Variants in CUL9 observed in about 807,000 individuals in gnomAD.
CUL9 encodes cullin-9.
A neutral mutation model predicts 272.6 loss-of-function variants in CUL9; 79 were observed. The observed-to-expected ratio is 0.29, with a 90% CI of 0.24 to 0.35. The LOEUF (loss-of-function observed/expected upper bound fraction) is 0.35. Among genes scored for constraint, CUL9 ranks in the 10% least tolerant of loss-of-function variants. The pLI, the probability that CUL9 is intolerant of heterozygous loss-of-function variation, is 1.00. For synonymous variants in CUL9, 1,186 were observed against 1,286.5 expected (o/e 0.92, Z 1.67); for missense variants, 2,532 against 3,255.6 (o/e 0.78, Z 5.41).
rs756656660 is a variant in CUL9 at position 43,221,353 on chromosome 6, G to T, written c.6752+32G>T. ...AGGGGGGTACTGTGGGGAGCCAGAG[G>T]GCAAGGAGGGGGGAGGAGGCCTGGC... On this transcript the variant is annotated intron_variant, in intron 34 of 40. Transcript: ENST00000252050. This position sits in a 1 kb window ranked among gnomAD's most constrained non-coding sequence, Gnocchi z 4.2. 6.5e-7 allele frequency: 1 copy of T among 1,548,288 alleles called. No individual in the cohort carries two copies.
chr6:43,184,369 C>G lies in CUL9; in HGVS notation c.59C>G (p.Ala20Gly), dbSNP rs959460895. The G allele has an allele frequency of 6.9e-6, 11 of 1,602,836 alleles. No homozygotes were observed. Among genetic ancestry groups the G allele is most frequent in the Non-Finnish European group, 9.4e-6 (11 of 1,172,692 alleles). Residue 20 changes from alanine (A) to glycine (G), a missense_variant, in exon 2 of 41, where the codon GCA (alanine) becomes GGA (glycine). Physicochemically the swap from Ala to Gly is moderately conservative, Grantham distance 60. Transcript: ENST00000252050. The surrounding 1 kb of genome is among the most constrained non-coding windows in gnomAD (Gnocchi z 4.8). ...GTGCCCTTAGGGCCTCGGCTGCAGGCATATCCTGAAGAACTCATTCGACAG... is the reference window on the plus strand; with the variant it reads ...GTGCCCTTAGGGCCTCGGCTGCAGGGATATCCTGAAGAACTCATTCGACAG... The part of the protein sequence containing the change: ...LMVPLGPRLQ[A>G]YPEELIRQRP...
In CUL9 at chr6:43,213,546, G is replaced by A; in HGVS notation, c.5467G>A (p.Gly1823Ser). The A allele has an allele frequency of 6.2e-7, 1 of 1,612,158 alleles. No homozygotes were observed. Among genetic ancestry groups the A allele is most frequent in the Non-Finnish European group, 8.5e-7 (1 of 1,179,362 alleles). The change falls in exon 28 of 41, where the codon GGC becomes AGC. Residue 1823 changes from glycine to serine, a missense_variant. Physicochemically the swap from Gly to Ser is moderately conservative, Grantham distance 56. This residue lies in a region of CUL9 where 2,218 missense variants were observed against 2,788.6 expected (regional missense o/e 0.80). Coordinates refer to ENST00000252050, the MANE Select transcript of CUL9 (RefSeq NM_015089.4). This position sits in a 1 kb window ranked among gnomAD's most constrained non-coding sequence, Gnocchi z 5.7. ...SGNGPLTLHE[G>S]QDFPHGGVLR... ...GAATGGCCCTTTGACCCTGCATGAG[G>A]GCCAGGACTTTCCACACGGGGGTAG...
intron 17 of CUL9, 119 bp from the exon 18 acceptor site, chr6:43,202,990 T>C: frequency 8.0e-7 from 1 of 1,250,984 alleles, no homozygotes; most frequent in South Asian, 1.2e-5. Flanking sequence ...CGTCCATCCC[T>C]AGGCTCTGCG....
chr6:43,214,972 C>T (rs1775810804), intron 29 of CUL9, 107 bp from the exon 30 acceptor site: 1 of 1,343,032 alleles, frequency 7.4e-7, no homozygotes. Flanking sequence ...GCAAGACTGT[C>T]TCTTAAAAAA....
At chr6:43,194,085 CAG>C (rs1773775125) in intron 9 of CUL9, among the ~76,000 whole-genome samples, 1 of 152,160 alleles carries the variant, frequency 6.6e-6, no homozygotes, top group Admixed American at 6.5e-5. Context: ...TTACTCCAGA[CAG>C]AAGTGCTGGC....
chr6:43,194,297 T>C (rs570917733), intron 9 of CUL9, among the ~76,000 whole-genome samples: 103 of 151,988 alleles, frequency 6.8e-4, no homozygotes, highest in African/African-American at 2.4e-3. Flanking sequence ...TCTTTTCTCT[T>C]TTTTTTTCTT....
At chr6:43,222,203 A>G in intron 35 of CUL9, 113 bp from the exon 36 acceptor site, 4 of 798,490 alleles carry the variant, frequency 5.0e-6, no homozygotes, top group Non-Finnish European at 6.6e-6. Flanking sequence ...GGACTGAATG[A>G]AGATAATCGG....
chr6:43,200,882 C>G lies in CUL9; in HGVS notation c.3647+48C>G. On this transcript the variant is annotated intron_variant, in intron 16 of 40. Coordinates refer to ENST00000252050, the MANE Select transcript of CUL9 (RefSeq NM_015089.4). The surrounding 1 kb of genome is among the most constrained non-coding windows in gnomAD (Gnocchi z 4.0). Reference sequence around the variant, plus strand: ...GTTCTGCTGTGCCCCAGGATACTTCCCCAAAGCACCCAGATACACACAACC... The same window carrying G: ...GTTCTGCTGTGCCCCAGGATACTTCGCCAAAGCACCCAGATACACACAACC... The G allele has an allele frequency of 6.2e-7, 1 of 1,606,416 alleles. No individual in the cohort carries two copies. The highest frequency in any genetic ancestry group is 1.1e-5 in the South Asian group (1 of 90,774).
chr6:43,195,519 C>CA (rs1365630638), intron 9 of CUL9, among the ~76,000 whole-genome samples: 2 of 152,142 alleles, frequency 1.3e-5, no homozygotes, highest in Non-Finnish European at 2.9e-5. Flanking sequence ...CTGGTTGCCT[C>CA]AGTGTGGGTG....
At chr6:43,202,879 C>A in intron 17 of CUL9, 58 bp downstream of exon 17, 1 of 1,507,764 alleles carries the variant, frequency 6.6e-7, no homozygotes, top group Non-Finnish European at 9.2e-7. Flanking sequence ...TGTCCCAGTG[C>A]CTGTGGGAAG....
Position 43,215,161 on chromosome 6 carries a change from C to G in CUL9, c.5771C>G (p.Thr1924Arg). ...GCTGGGGGTGTGGCCTGTACCAGTACAGATGTCCTCTCTTGCATCCTGCAC... is the reference window on the plus strand; with the variant it reads ...GCTGGGGGTGTGGCCTGTACCAGTAGAGATGTCCTCTCTTGCATCCTGCAC... ...TVAGGVACTS[T>R]DVLSCILHLL... Residue 1924 changes from threonine to arginine, a missense_variant, in exon 30 of 41, where the codon ACA becomes AGA. Physicochemically the swap from Thr to Arg is moderately conservative, Grantham distance 71. This residue lies in a region of CUL9 where 2,218 missense variants were observed against 2,788.6 expected (regional missense o/e 0.80). Coordinates refer to ENST00000252050, the MANE Select transcript of CUL9 (RefSeq NM_015089.4). The G allele has an allele frequency of 1.2e-6, 2 of 1,614,212 alleles. No individual in the cohort carries two copies. The highest frequency in any genetic ancestry group is 1.7e-6 in the Non-Finnish European group (2 of 1,180,034).
chr6:43,188,472 C>A, intron 7 of CUL9, 51 bp from the exon 8 acceptor site: 1 of 1,513,464 alleles, frequency 6.6e-7, no homozygotes, highest in Non-Finnish European at 8.9e-7. Context: ...AGACTTCTAA[C>A]TTCAAGGTGC....
At position 43,186,343 on chromosome 6, in the gene CUL9, A is replaced by G. The variant is rs1772910058; in HGVS notation, c.1139A>G (p.Gln380Arg). Residue 380 changes from glutamine to arginine, a missense_variant, in exon 4 of 41, where the codon CAG becomes CGG. Gln to Arg is a conservative substitution (Grantham distance 43). Coordinates refer to ENST00000252050, the MANE Select transcript of CUL9 (RefSeq NM_015089.4). Reference sequence around the variant, plus strand: ...CGTAGTGGCTATGGAGAATATGTGCAGCAGACACTGCAGCCAGGGATGCGA... The same window carrying G: ...CGTAGTGGCTATGGAGAATATGTGCGGCAGACACTGCAGCCAGGGATGCGA... ...SSRSGYGEYVQQTLQPGMRVR... is the reference protein window; with the variant it reads ...SSRSGYGEYVRQTLQPGMRVR... The G allele has an allele frequency of 5.0e-6, 8 of 1,614,238 alleles. No homozygotes were observed. The highest frequency in any genetic ancestry group is 6.8e-6 in the Non-Finnish European group (8 of 1,180,024).
In CUL9 at chr6:43,186,924, C is replaced by G. The variant is rs535816685; in HGVS notation, c.1252-36C>G. ...GCCAAGGCTCAGAGGGTTGAGCCTT[C>G]TCTATTCTGCTCTCTTTCTTCCTCC... On this transcript the variant is annotated intron_variant, in intron 4 of 40. Transcript: ENST00000252050. 1.9e-6 allele frequency: 3 copies of G among 1,609,434 alleles called. No individual in the cohort carries two copies. The South Asian group carries it at 3.3e-5, about 18-fold the overall frequency.
rs530386443 is a variant in CUL9, at chr6:43,206,448, G to A, written c.5150G>A (p.Arg1717Lys). The A allele has an allele frequency of 2.5e-6, 4 of 1,614,188 alleles. No homozygotes were observed. The highest frequency in any genetic ancestry group is 3.4e-6 in the Non-Finnish European group (4 of 1,180,034). Residue 1717 changes from arginine (R) to lysine (K), a missense_variant, in exon 26 of 41, where the codon AGA becomes AAA. This residue lies in a region of CUL9 where 2,218 missense variants were observed against 2,788.6 expected (regional missense o/e 0.80). Coordinates refer to ENST00000252050, the MANE Select transcript of CUL9 (RefSeq NM_015089.4). This position sits in a 1 kb window ranked among gnomAD's most constrained non-coding sequence, Gnocchi z 4.8. ...CCACTCTGCTACCTGTACCATCCCAGAAAGTGCCTTCCCACAGAATTCTGT... is the reference window on the plus strand; with the variant it reads ...CCACTCTGCTACCTGTACCATCCCAAAAAGTGCCTTCCCACAGAATTCTGT... ...VSPLCYLYHP[R>K]KCLPTEFCDA...
Position 43,220,737 on chromosome 6 carries a change from G to T in CUL9, c.6424-10G>T, listed in dbSNP as rs769418232. 5 of 1,611,340 alleles carry T rather than the reference G, an allele frequency of 3.1e-6. No homozygotes were observed. The Admixed American group carries it at 5.0e-5, about 16-fold the overall frequency. On this transcript the variant is annotated splice_polypyrimidine_tract_variant and intron_variant, in intron 32 of 40. Coordinates refer to ENST00000252050, the MANE Select transcript of CUL9 (RefSeq NM_015089.4). This position sits in a 1 kb window ranked among gnomAD's most constrained non-coding sequence, Gnocchi z 4.9. ...CATACCCTCACCTCGTGGCACCTGCGTCTCCACAGTATGAGAAGGCGCTCC... is the reference window on the plus strand; with the variant it reads ...CATACCCTCACCTCGTGGCACCTGCTTCTCCACAGTATGAGAAGGCGCTCC...
Position 43,187,841 on chromosome 6 carries a change from C to T in CUL9, c.1710C>T (p.Thr570=), listed in dbSNP as rs759302328. The T allele has an allele frequency of 6.2e-7, 1 of 1,613,984 alleles. No individual in the cohort carries two copies. Residue 570 remains threonine (T), a synonymous_variant, in exon 7 of 41, where the codon ACC becomes ACT. Transcript: ENST00000252050. Reference sequence around the variant, plus strand: ...ACCTGCTCAACTCCCAGATCTACACCAAGTATGGGCTGCTGTCTAATGAAC... The same window carrying T: ...ACCTGCTCAACTCCCAGATCTACACTAAGTATGGGCTGCTGTCTAATGAAC... ...LNDLLNSQIY[T]KYGLLSNEPS...
At position 43,216,176 on chromosome 6, in the gene CUL9, C is replaced by G; in HGVS notation, c.5955C>G (p.Thr1985=). 1 of 1,604,742 alleles carries G rather than the reference C, an allele frequency of 6.2e-7. No individual in the cohort carries two copies. The highest frequency in any genetic ancestry group is 8.5e-7 in the Non-Finnish European group (1 of 1,172,298). ...CCACAAGCCCAGAAGCTGTGGCTACCCTGGCATCTCTACAGCTGCCTGCAG... is the reference window on the plus strand; with the variant it reads ...CCACAAGCCCAGAAGCTGTGGCTACGCTGGCATCTCTACAGCTGCCTGCAG... ...TSKPSPEAVA[T]LASLQLPAGR... is the part of the protein sequence containing the mutation. Residue 1985 remains threonine, a synonymous_variant, in exon 31 of 41, where the codon ACC becomes ACG. Transcript: ENST00000252050.
Position 43,221,337 on chromosome 6 carries a change from C to G in CUL9, c.6752+16C>G. The G allele has an allele frequency of 6.4e-7, 1 of 1,574,626 alleles. No homozygotes were observed. ...GGTGCCTGCAGTAAGAAGGGGGGTA[C>G]TGTGGGGAGCCAGAGGGCAAGGAGG... On this transcript the variant is annotated intron_variant, in intron 34 of 40. Coordinates refer to ENST00000252050, the MANE Select transcript of CUL9 (RefSeq NM_015089.4). The surrounding 1 kb of genome is among the most constrained non-coding windows in gnomAD (Gnocchi z 4.2).
Sources: gnomAD v4.1 joint callset for allele counts (sites outside exome capture counted in the v4.1 genomes callset) on GRCh38, gnomAD v4.1.1 for gene constraint, gnomAD v4.1.1 regional missense constraint, Gnocchi (gnomAD v3.1) non-coding constraint, MANE v1.5 for transcripts, NCBI Gene and HGNC (gene_info 2026-07-23, HGNC 2026-07-21) for gene names.